The following ROBO2 variants were observed in gnomAD, a reference collection of about 807,000 sequenced individuals.
ROBO2 encodes roundabout homolog 2.
In ROBO2, 53 loss-of-function variants were observed where a neutral mutation model predicts 160.8. The observed-to-expected ratio is 0.33, with a 90% CI of 0.26 to 0.41. ROBO2 has a LOEUF of 0.41. ROBO2 is among the 10% of genes least tolerant of loss of function. The pLI is 1.00. For synonymous variants in ROBO2, 664 were observed against 611.7 expected (o/e 1.09, Z -1.26); for missense variants, 1,577 against 1,722.4 (o/e 0.92, Z 1.49).
At chr3:76,220,336 T>C (rs113073379) in intron 2 of ROBO2, among the ~76,000 whole-genome samples, 4,521 of 150,762 alleles carry the variant, frequency 0.03, 161 homozygotes, top group African/African-American at 0.083. Context: ...ATAATAATAA[T>C]AAAAGAGAAA....
At chr3:77,531,922 A>G (rs2091759958) in intron 6 of ROBO2, among the ~76,000 whole-genome samples, 1 of 152,046 alleles carries the variant, frequency 6.6e-6, no homozygotes, top group South Asian at 2.1e-4. Flanking sequence ...CTAATTAGCT[A>G]CTTTATGCAG....
At chr3:77,464,410 TA>T (rs1052638921) in intron 2 of ROBO2, among the ~76,000 whole-genome samples, 1 of 151,940 alleles carries the variant, frequency 6.6e-6, no homozygotes, top group East Asian at 1.9e-4. Flanking sequence ...GTTTAGGCCC[TA>T]AAAAAAGAAA....
intron 2 of ROBO2, among the ~76,000 whole-genome samples, chr3:76,349,683 C>T (rs541753052): frequency 7.9e-5 from 12 of 152,146 alleles, no homozygotes; most frequent in South Asian, 2.1e-4. Flanking sequence ...CACAGTGTAA[C>T]GGATGCTGGC....
chr3:77,504,348 G>A (rs2088138227), intron 5 of ROBO2, among the ~76,000 whole-genome samples: 2 of 151,320 alleles, frequency 1.3e-5, no homozygotes, highest in Admixed American at 1.3e-4. Flanking sequence ...AATGGCAGTT[G>A]TTATAAAAAT....
intron 2 of ROBO2, among the ~76,000 whole-genome samples, chr3:76,122,376 A>C (rs191881516): frequency 1.3e-5 from 2 of 151,976 alleles, no homozygotes; most frequent in African/African-American, 4.8e-5. Context: ...CTGTATTTTT[A>C]TTTTTCTTGA....
chr3:77,264,649 T>C (rs145310016), intron 2 of ROBO2, among the ~76,000 whole-genome samples: 28 of 152,282 alleles, frequency 1.8e-4, no homozygotes, highest in African/African-American at 6.3e-4. Context: ...TTTGATATGA[T>C]CTTCCATCAC....
At chr3:77,431,820 C>G (rs1459000593) in intron 2 of ROBO2, among the ~76,000 whole-genome samples, 1 of 152,052 alleles carries the variant, frequency 6.6e-6, no homozygotes, top group East Asian at 1.9e-4. Flanking sequence ...CTTTTCAAAT[C>G]CCAGGAAAGT....
chr3:76,290,590 T>A (rs1315605069), intron 2 of ROBO2, among the ~76,000 whole-genome samples: 1 of 152,128 alleles, frequency 6.6e-6, no homozygotes, highest in African/African-American at 2.4e-5. Context: ...GACATTCTTT[T>A]CTTTTTCCAG....
chr3:77,229,697 T>C (rs1217021725), intron 2 of ROBO2, among the ~76,000 whole-genome samples: 1 of 150,566 alleles, frequency 6.6e-6, no homozygotes, highest in African/African-American at 2.4e-5. Context: ...ATGGACCAAA[T>C]TGGACTAGCT....
At chr3:75,917,025 T>G (rs1946842432) in intron 1 of ROBO2, among the ~76,000 whole-genome samples, 1 of 152,134 alleles carries the variant, frequency 6.6e-6, no homozygotes. Flanking sequence ...CGTACTTTCA[T>G]TTTTTAAAAT....
chr3:77,351,795 A>T (rs1315723926), intron 2 of ROBO2, among the ~76,000 whole-genome samples: 1 of 151,956 alleles, frequency 6.6e-6, no homozygotes, highest in African/African-American at 2.4e-5. Flanking sequence ...CAACAATATA[A>T]TCTGGGGTCT....
chr3:76,882,219 T>G (rs2073423074), intron 2 of ROBO2, among the ~76,000 whole-genome samples: 1 of 152,044 alleles, frequency 6.6e-6, no homozygotes, highest in African/African-American at 2.4e-5. Context: ...TTGGGTTTGT[T>G]GTTGCTGTGG....
intron 2 of ROBO2, among the ~76,000 whole-genome samples, chr3:76,530,890 C>G (rs2082189394): frequency 6.6e-6 from 1 of 152,190 alleles, no homozygotes; most frequent in Admixed American, 6.5e-5. Context: ...ACCTTCATTT[C>G]CCTTCGTGAG....
At position 76,496,846 on chromosome 3, in the gene ROBO2, A is replaced by G. The variant is rs1340853414; in HGVS notation, c.109+559244A>G. 2.0e-5 allele frequency among the ~76,000 whole-genome samples: 3 copies of G among 152,158 alleles called. No individual in the cohort carries two copies. The East Asian group carries it at 5.8e-4, about 29-fold the overall frequency. ...CAACCATACTATTATATGGCATCCC[A>G]ATCCACCATCTAATATTGCAATAGA... is the stretch of plus-strand genomic sequence containing the variant. On this transcript the variant is annotated intron_variant, in intron 2 of 26. Coordinates refer to the ROBO2 transcript ENST00000487694.
chr3:76,760,662 G>A (rs1006284252), intron 2 of ROBO2, among the ~76,000 whole-genome samples: 1 of 151,482 alleles, frequency 6.6e-6, no homozygotes, highest in African/African-American at 2.4e-5. Context: ...CTACGCATAC[G>A]TTGCAGGGGC....
At chr3:77,206,720 T>A (rs1163244781) in intron 2 of ROBO2, among the ~76,000 whole-genome samples, 1 of 152,180 alleles carries the variant, frequency 6.6e-6, no homozygotes, top group East Asian at 1.9e-4. Flanking sequence ...CTTTTTTGCA[T>A]GAAATTAATT....
chr3:77,637,589 T>C (rs1442469735), intron 24 of ROBO2, among the ~76,000 whole-genome samples: 2 of 152,192 alleles, frequency 1.3e-5, no homozygotes, highest in East Asian at 1.9e-4. Flanking sequence ...AAACTATTCG[T>C]AGTGTTCATC....
intron 2 of ROBO2, among the ~76,000 whole-genome samples, chr3:76,273,414 T>C (rs971694266): frequency 3.3e-5 from 5 of 151,958 alleles, no homozygotes. Flanking sequence ...GGAGTGGGTG[T>C]ATTAGTCTGC....
chr3:76,682,358 C>G (rs1346726193), intron 2 of ROBO2, among the ~76,000 whole-genome samples: 2 of 152,030 alleles, frequency 1.3e-5, no homozygotes, highest in Non-Finnish European at 2.9e-5. Flanking sequence ...CGTGGAAAGT[C>G]TATACTTTCC....
Sources: allele counts gnomAD v4.1 joint callset (sites outside exome capture counted in the v4.1 genomes callset), GRCh38; gene constraint gnomAD v4.1.1; transcripts MANE v1.5; gene names NCBI Gene and HGNC (gene_info 2026-07-23, HGNC 2026-07-21).